SLC8A1: variants seen among roughly 807,000 people sequenced by gnomAD.
The protein encoded by SLC8A1 is solute carrier family 8 member A1, also known as sodium/calcium exchanger 1.
Under a neutral mutation model 68.3 loss-of-function variants are expected in SLC8A1, and 18 were observed. The observed-to-expected ratio is 0.26, with a 90% confidence interval of 0.18 to 0.39. The LOEUF (loss-of-function observed/expected upper bound fraction) is 0.39, where lower values mean the gene tolerates loss of function less well. Ranked by LOEUF, SLC8A1 falls within the 10% of genes least tolerant of loss-of-function variation. SLC8A1 has a pLI of 1.00. For synonymous variants in SLC8A1, 475 were observed against 415.5 expected (o/e 1.14, Z -1.74); for missense variants, 985 against 1,156.7 (o/e 0.85, Z 2.15).
upstream of SLC8A1, among the ~76,000 whole-genome samples, chr2:40,455,675 GA>G (rs1559742430): frequency 6.6e-6 from 1 of 152,206 alleles, no homozygotes; most frequent in East Asian, 1.9e-4. Flanking sequence ...CTTTGCTGAT[GA>G]GTAGATCCAG....
chr2:40,287,933 A>G (rs1483299508), intron 2 of SLC8A1, among the ~76,000 whole-genome samples: 3 of 152,054 alleles, frequency 2.0e-5, no homozygotes, highest in African/African-American at 4.8e-5. Context: ...ACGTTATGAG[A>G]CTTTGATGGG....
At chr2:40,428,473 A>G (rs759796893) in exon 2 of SLC8A1, 23 of 1,580,386 alleles carry the variant, frequency 1.5e-5, no homozygotes, top group Non-Finnish European at 1.9e-5. Flanking sequence ...TAGAACTTAC[A>G]CAATTTCATC....
At chr2:40,324,669 C>A (rs962263845) in intron 2 of SLC8A1, among the ~76,000 whole-genome samples, 3 of 152,014 alleles carry the variant, frequency 2.0e-5, no homozygotes, top group Non-Finnish European at 4.4e-5. Flanking sequence ...CCCTTCCTTT[C>A]CCTTCCCTTC....
rs1012609250 is a variant in SLC8A1 at position 40,160,911 on chromosome 2, C to G, written c.2062-47G>C. On this transcript the variant is annotated intron_variant, in intron 5 of 7. Coordinates refer to ENST00000406785, the Ensembl canonical transcript of SLC8A1. ...ATATAAATGCTGGGTTCGCTAAGGC[C>G]TCAGGAAATCCAAGACCTTGTTGAT... 3 of 1,374,342 alleles carry G rather than the reference C, an allele frequency of 2.2e-6. No homozygotes were observed. In the African/African-American group the frequency reaches 4.3e-5, roughly 20 times the overall value. The allele number at this position is 1,374,342 out of a possible 1,614,324, so 85.1% of individuals were successfully genotyped here.
exon 2 of SLC8A1, chr2:40,430,220 C>G (rs1697940400): frequency 1.2e-6 from 2 of 1,613,518 alleles, no homozygotes; most frequent in African/African-American, 1.3e-5. Context: ...CTCACAGTAA[C>G]TAACAGATGA....
chr2:40,114,136 CTTTGT>C (rs779834257), exon 8 of SLC8A1: 5 of 152,872 alleles, frequency 3.3e-5, no homozygotes, highest in Admixed American at 6.5e-5. Context: ...TACAGATACT[CTTTGT>C]TTTGTTTTAT....
At chr2:40,287,622 A>ATGTG (rs1553475996) in intron 2 of SLC8A1, among the ~76,000 whole-genome samples, 1 of 72,074 alleles carries the variant, frequency 1.4e-5, no homozygotes, top group Non-Finnish European at 2.8e-5. Context: ...GTGTGTGTGC[A>ATGTG]TGCAGGGACA....
At chr2:40,489,400 C>G (rs1705176644) in intron 1 of SLC8A1, among the ~76,000 whole-genome samples, 2 of 152,012 alleles carry the variant, frequency 1.3e-5, no homozygotes, top group African/African-American at 4.8e-5. Flanking sequence ...CAAAAATAGA[C>G]TCCACACAAA....
intron 2 of SLC8A1, among the ~76,000 whole-genome samples, chr2:40,184,115 G>A (rs2050169214): frequency 6.6e-6 from 1 of 152,136 alleles, no homozygotes; most frequent in South Asian, 2.1e-4. Context: ...AGTTGAGGCT[G>A]CAGTGAGATG....
At chr2:40,297,975 G>A (rs951678060) in intron 2 of SLC8A1, among the ~76,000 whole-genome samples, 2 of 152,074 alleles carry the variant, frequency 1.3e-5, no homozygotes, top group East Asian at 1.9e-4. Context: ...CATCTCCTGC[G>A]TTCAAACCGT....
At chr2:40,180,727 G>A (rs372072) in intron 2 of SLC8A1, among the ~76,000 whole-genome samples, 117,349 of 152,102 alleles carry the variant, frequency 0.77, 45,957 homozygotes, top group Middle Eastern at 0.85. Context: ...TCTCCATCTT[G>A]TATTTGCAAC....
intron 7 of SLC8A1, among the ~76,000 whole-genome samples, chr2:40,122,414 G>C (rs1197920537): frequency 6.6e-6 from 1 of 151,796 alleles, no homozygotes; most frequent in Non-Finnish European, 1.5e-5. Flanking sequence ...CCCTGAAGAG[G>C]GTAAAGAAGA....
At chr2:40,381,675 G>C (rs1370976259) in intron 2 of SLC8A1, among the ~76,000 whole-genome samples, 2 of 151,722 alleles carry the variant, frequency 1.3e-5, no homozygotes, top group African/African-American at 4.8e-5. Flanking sequence ...AAACATAGAA[G>C]TTGACTCTCC....
chr2:40,172,024 C>T (rs978594320), intron 4 of SLC8A1, among the ~76,000 whole-genome samples: 1 of 152,204 alleles, frequency 6.6e-6, no homozygotes, highest in East Asian at 1.9e-4. Flanking sequence ...GATTTTCACA[C>T]TCAGCTGCGC....
At chr2:40,222,038 C>G (rs940004044) in intron 2 of SLC8A1, among the ~76,000 whole-genome samples, 1 of 152,064 alleles carries the variant, frequency 6.6e-6, no homozygotes, top group East Asian at 1.9e-4. Context: ...TCATATGGAA[C>G]TAAAAAAGAG....
rs35556550 is a variant in SLC8A1, at chr2:40,486,721, C to CT, written c.-25+25627dup. Among the ~76,000 whole-genome samples the CT allele has an allele frequency of 8.2e-3, 1,190 of 144,978 alleles. 18 individuals are homozygous for CT. Among genetic ancestry groups the CT allele is most frequent in the African/African-American group, 0.028 (1,111 of 39,774 alleles). Reference sequence around the variant, plus strand: ...TATCTTAATATGTTTTTTTTAATTTCTTTTTTTTTTTATTATTATACTTTA... The same window carrying CT: ...TATCTTAATATGTTTTTTTTAATTTCTTTTTTTTTTTTATTATTATACTTTA... On this transcript the variant is annotated intron_variant, in intron 1 of 7. Coordinates refer to the SLC8A1 transcript ENST00000402441.
chr2:40,481,956 T>C (rs571416790), intron 1 of SLC8A1, among the ~76,000 whole-genome samples: 1 of 152,294 alleles, frequency 6.6e-6, no homozygotes, highest in East Asian at 1.9e-4. Context: ...ATAGTTCAAG[T>C]TTTAAGGCAC....
chr2:40,142,062 C>T (rs940239434), intron 6 of SLC8A1, among the ~76,000 whole-genome samples: 1 of 152,190 alleles, frequency 6.6e-6, no homozygotes, highest in Non-Finnish European at 1.5e-5. Flanking sequence ...GCAGCCCTAG[C>T]AAACTACAGC....
chr2:40,383,398 C>T (rs2149562959), intron 2 of SLC8A1, among the ~76,000 whole-genome samples: 1 of 152,172 alleles, frequency 6.6e-6, no homozygotes, highest in Non-Finnish European at 1.5e-5. Context: ...AAACATTTGA[C>T]ACAGGAACCA....
Sources: allele counts gnomAD v4.1 joint callset (sites outside exome capture counted in the v4.1 genomes callset), GRCh38; gene constraint gnomAD v4.1.1; transcripts MANE v1.5; gene names NCBI Gene and HGNC (gene_info 2026-07-23, HGNC 2026-07-21).